Variants in KSR2 observed in about 807,000 individuals in gnomAD.
KSR2 encodes the protein kinase suppressor of ras 2.
A neutral mutation model predicts 107.8 loss-of-function variants in KSR2; 25 were observed. That is an observed-to-expected ratio of 0.23 (90% CI 0.17 to 0.32). The LOEUF (loss-of-function observed/expected upper bound fraction) is 0.32. Ranked by LOEUF, KSR2 falls within the 10% of genes least tolerant of loss-of-function variation. KSR2 has a pLI of 1.00. For missense variants in KSR2, 887 were observed against 1,268.9 expected (o/e 0.70, Z 4.57); for synonymous variants, 480 against 507.0 (o/e 0.95, Z 0.71).
intron 3 of KSR2, among the ~76,000 whole-genome samples, chr12:117,849,108 TAAG>T (rs1400077023): frequency 1.3e-5 from 2 of 152,116 alleles, no homozygotes; most frequent in African/African-American, 4.8e-5. Flanking sequence ...GATTGAGGAC[TAAG>T]AAGGAGAAAG....
At chr12:117,826,471 G>T (rs1891756547) in intron 3 of KSR2, among the ~76,000 whole-genome samples, 1 of 139,432 alleles carries the variant, frequency 7.2e-6, no homozygotes, top group South Asian at 2.3e-4. Context: ...AGGAAAAAAA[G>T]ATCTTTTTGA....
intron 3 of KSR2, among the ~76,000 whole-genome samples, chr12:117,808,721 C>G (rs1891091264): frequency 6.6e-6 from 1 of 152,090 alleles, no homozygotes; most frequent in African/African-American, 2.4e-5. Context: ...CCATTCCAGC[C>G]CTGGTGAATT....
intron 5 of KSR2, among the ~76,000 whole-genome samples, chr12:117,608,777 A>G (rs955804413): frequency 6.6e-6 from 1 of 152,162 alleles, no homozygotes; most frequent in African/African-American, 2.4e-5. Context: ...ATGAAAGCCA[A>G]AGTACCTTGG....
chr12:117,740,980 G>A (rs180932704), intron 4 of KSR2, among the ~76,000 whole-genome samples: 7 of 152,226 alleles, frequency 4.6e-5, no homozygotes, highest in African/African-American at 7.2e-5. Flanking sequence ...AAGAGGAAGC[G>A]GTGAGGAGGG....
At chr12:117,728,200 T>C (rs1456053857) in intron 4 of KSR2, among the ~76,000 whole-genome samples, 1 of 152,180 alleles carries the variant, frequency 6.6e-6, no homozygotes, top group Non-Finnish European at 1.5e-5. Flanking sequence ...TGTATATAAT[T>C]TATACCTCAG....
At chr12:117,883,875 CAA>C (rs34939587) in intron 1 of KSR2, among the ~76,000 whole-genome samples, 51 of 93,822 alleles carry the variant, frequency 5.4e-4, no homozygotes, top group African/African-American at 1.3e-3. Flanking sequence ...GTCTCCATCT[CAA>C]AAAAAAAAAA....
At chr12:117,796,266 G>T (rs1415479795) in intron 3 of KSR2, among the ~76,000 whole-genome samples, 1 of 152,144 alleles carries the variant, frequency 6.6e-6, no homozygotes, top group Non-Finnish European at 1.5e-5. Context: ...TCTCTTACTA[G>T]TTAGGCCTCT....
intron 1 of KSR2, among the ~76,000 whole-genome samples, chr12:117,882,386 C>T (rs147563087): frequency 6.6e-6 from 1 of 152,312 alleles, no homozygotes; most frequent in Non-Finnish European, 1.5e-5. Flanking sequence ...TGGCTTCCAC[C>T]TGAGCAGAGA....
intron 3 of KSR2, among the ~76,000 whole-genome samples, chr12:117,822,107 T>C (rs1228460948): frequency 1.3e-5 from 2 of 152,276 alleles, no homozygotes; most frequent in South Asian, 2.1e-4. Flanking sequence ...AGTTTACAAA[T>C]GCCATGGCAA....
chr12:117,591,003 T>C (rs1880280647), intron 5 of KSR2, among the ~76,000 whole-genome samples: 1 of 152,148 alleles, frequency 6.6e-6, no homozygotes, highest in South Asian at 2.1e-4. Context: ...GTATAACCAC[T>C]TTGTGTCACC....
intron 12 of KSR2, among the ~76,000 whole-genome samples, chr12:117,527,545 C>T (rs1040746071): frequency 7.2e-5 from 11 of 152,170 alleles, no homozygotes; most frequent in Non-Finnish European, 2.9e-5. Context: ...ATCAGATCTC[C>T]GAAGTTCACA....
chr12:117,632,169 C>G (rs1176873918), intron 5 of KSR2, among the ~76,000 whole-genome samples: 1 of 150,344 alleles, frequency 6.7e-6, no homozygotes, highest in Non-Finnish European at 1.5e-5. Flanking sequence ...AGTATTGAGT[C>G]CTTTATATGA....
intron 1 of KSR2, among the ~76,000 whole-genome samples, chr12:117,896,778 T>C (rs1328980478): frequency 6.6e-6 from 1 of 152,140 alleles, no homozygotes; most frequent in Non-Finnish European, 1.5e-5. Context: ...CTTATAAATA[T>C]ATTCAAAAAC....
intron 1 of KSR2, among the ~76,000 whole-genome samples, chr12:117,933,299 A>G (rs774482429): frequency 6.6e-6 from 1 of 152,194 alleles, no homozygotes; most frequent in Non-Finnish European, 1.5e-5. Context: ...CTAAAAATGT[A>G]TGCATTGTTG....
chr12:117,932,528 C>A (rs1241596734), intron 1 of KSR2, among the ~76,000 whole-genome samples: 1 of 151,976 alleles, frequency 6.6e-6, no homozygotes, highest in African/African-American at 2.4e-5. Context: ...CCAGCCTGGG[C>A]AATACAGCAA....
At chr12:117,957,394 TCTC>T (rs1242912899) in intron 1 of KSR2, among the ~76,000 whole-genome samples, 2 of 152,094 alleles carry the variant, frequency 1.3e-5, no homozygotes, top group African/African-American at 4.8e-5. Flanking sequence ...TTTACTTTCT[TCTC>T]CTATTTTTGT....
intron 1 of KSR2, among the ~76,000 whole-genome samples, chr12:117,966,623 GCACA>G (rs71099095): frequency 2.1e-5 from 3 of 143,098 alleles, no homozygotes; most frequent in Non-Finnish European, 4.5e-5. Flanking sequence ...ACACGCGCAC[GCACA>G]CACACACACA....
chr12:117,526,776 T>G (rs938120456), intron 13 of KSR2, among the ~76,000 whole-genome samples: 1 of 152,106 alleles, frequency 6.6e-6, no homozygotes, highest in African/African-American at 2.4e-5. Flanking sequence ...GCGGGGCACA[T>G]CCCCCTTGGT....
Position 117,618,441 on chromosome 12 carries a change from A to G in KSR2, c.1172-36082T>C, listed in dbSNP as rs1217733193. Among the ~76,000 whole-genome samples, 3 of 152,054 alleles carry G rather than the reference A, an allele frequency of 2.0e-5. No homozygotes were observed. In the East Asian group the frequency reaches 5.8e-4, roughly 29 times the overall value. On this transcript the variant is annotated intron_variant, in intron 5 of 19. Transcript: ENST00000339824. ...CATTTTGGAATTAGCAAGTATCTTG[A>G]GAGGAAATGCAGTATTGAACTTTGG... is the stretch of plus-strand genomic sequence containing the variant.
Sources: gnomAD v4.1 joint callset for allele counts (sites outside exome capture counted in the v4.1 genomes callset) on GRCh38, gnomAD v4.1.1 for gene constraint, MANE v1.5 for transcripts, NCBI Gene and HGNC (gene_info 2026-07-23, HGNC 2026-07-21) for gene names.